The following PDE4B variants were observed in gnomAD, a reference collection of about 807,000 sequenced individuals.
PDE4B encodes 3',5'-cyclic-AMP phosphodiesterase 4B.
PDE4B carries 20 observed loss-of-function variants against 82.2 expected under a neutral mutation model. That is an observed-to-expected ratio of 0.24 (90% confidence interval 0.17 to 0.35). The LOEUF (loss-of-function observed/expected upper bound fraction) is 0.35. Among genes scored for constraint, PDE4B ranks in the 10% least tolerant of loss-of-function variants. The pLI is 1.00. For synonymous variants in PDE4B, 320 were observed against 318.9 expected (o/e 1.00, Z -0.04); for missense variants, 655 against 907.2 (o/e 0.72, Z 3.57).
At chr1:66,181,313 G>A (rs369497616) in intron 3 of PDE4B, among the ~76,000 whole-genome samples, 2 of 152,158 alleles carry the variant, frequency 1.3e-5, no homozygotes, top group East Asian at 1.9e-4. Flanking sequence ...AATATTACCC[G>A]ATTGGCAAGA....
At chr1:65,980,316 A>G (rs994996405) in intron 3 of PDE4B, among the ~76,000 whole-genome samples, 4 of 152,214 alleles carry the variant, frequency 2.6e-5, no homozygotes, top group African/African-American at 4.8e-5. Context: ...TTTATACATA[A>G]TGTACTGTAA....
At chr1:66,331,430 T>C (rs1441985251) in intron 7 of PDE4B, among the ~76,000 whole-genome samples, 1 of 152,238 alleles carries the variant, frequency 6.6e-6, no homozygotes, top group Non-Finnish European at 1.5e-5. Flanking sequence ...ATTTCAGTGC[T>C]TATTAAGATA....
chr1:66,230,727 C>T (rs1263262841), intron 3 of PDE4B, among the ~76,000 whole-genome samples: 8 of 152,086 alleles, frequency 5.3e-5, no homozygotes, highest in Admixed American at 6.5e-5. Flanking sequence ...AACAAATGAC[C>T]GGAAGCATCT....
chr1:66,028,314 G>A (rs1570023278), intron 3 of PDE4B, among the ~76,000 whole-genome samples: 1 of 152,116 alleles, frequency 6.6e-6, no homozygotes. Flanking sequence ...GAGTGGCTGG[G>A]ACACAGGGCA....
chr1:65,920,345 T>G (rs911645667), intron 3 of PDE4B, among the ~76,000 whole-genome samples: 8 of 152,250 alleles, frequency 5.3e-5, no homozygotes, highest in Admixed American at 2.6e-4. Context: ...AGGTGAAGAC[T>G]GGCACAGAGG....
At chr1:65,888,087 A>T (rs1348775701) in intron 1 of PDE4B, among the ~76,000 whole-genome samples, 1 of 152,074 alleles carries the variant, frequency 6.6e-6, no homozygotes, top group Non-Finnish European at 1.5e-5. Context: ...TTCAGGTCTT[A>T]TGTATAAGTC....
At chr1:66,236,947 A>T (rs11583551) in intron 3 of PDE4B, among the ~76,000 whole-genome samples, 26,626 of 152,052 alleles carry the variant, frequency 0.18, 4,468 homozygotes, top group African/African-American at 0.43. Flanking sequence ...GTCTATAAAA[A>T]CAAGTTCCTT....
intron 9 of PDE4B, among the ~76,000 whole-genome samples, chr1:66,361,066 T>G (rs1662722509): frequency 6.6e-6 from 1 of 152,212 alleles, no homozygotes; most frequent in African/African-American, 2.4e-5. Flanking sequence ...CCATTTATAT[T>G]TCTAACATAT....
At chr1:66,254,292 A>C (rs1654020611) in intron 4 of PDE4B, among the ~76,000 whole-genome samples, 1 of 152,052 alleles carries the variant, frequency 6.6e-6, no homozygotes, top group South Asian at 2.1e-4. Flanking sequence ...AACAAACCAC[A>C]AGATCTTCAC....
intron 3 of PDE4B, among the ~76,000 whole-genome samples, chr1:66,107,289 T>A (rs961924658): frequency 6.6e-6 from 1 of 152,140 alleles, no homozygotes; most frequent in Non-Finnish European, 1.5e-5. Context: ...CTGATTGCAC[T>A]GTGGTCTGAG....
intron 3 of PDE4B, among the ~76,000 whole-genome samples, chr1:66,028,168 G>A (rs958889780): frequency 6.6e-5 from 10 of 152,288 alleles, no homozygotes; most frequent in Middle Eastern, 3.4e-3. Flanking sequence ...AAATCTAGGC[G>A]GAGGTTCACA....
intron 3 of PDE4B, among the ~76,000 whole-genome samples, chr1:66,037,010 G>A (rs1219563994): frequency 6.6e-6 from 1 of 151,296 alleles, no homozygotes; most frequent in Non-Finnish European, 1.5e-5. Context: ...GGCGTGACCT[G>A]TAGTCCCAAC....
chr1:66,118,668 A>G (rs992662146), intron 3 of PDE4B, among the ~76,000 whole-genome samples: 22 of 152,184 alleles, frequency 1.4e-4, no homozygotes, highest in African/African-American at 5.1e-4. Flanking sequence ...ATACATATGT[A>G]ACAAACCTGC....
intron 7 of PDE4B, among the ~76,000 whole-genome samples, chr1:66,305,975 CT>C (rs1237802946): frequency 6.6e-6 from 1 of 152,068 alleles, no homozygotes; most frequent in East Asian, 1.9e-4. Flanking sequence ...ACCCAATAGA[CT>C]GCGTTTCTGA....
chr1:65,913,398 AAAG>A (rs1557428412), intron 2 of PDE4B, 42 bp downstream of exon 2: 3 of 1,593,966 alleles, frequency 1.9e-6, no homozygotes, highest in Middle Eastern at 1.7e-4. Context: ...TCTGTTCAAT[AAAG>A]AAGTCACTGG....
intron 3 of PDE4B, among the ~76,000 whole-genome samples, chr1:66,142,803 T>A (rs1646198864): frequency 6.6e-6 from 1 of 152,208 alleles, no homozygotes; most frequent in Non-Finnish European, 1.5e-5. Flanking sequence ...TTGGTAATTT[T>A]GTGTCTTACA....
At chr1:66,099,792 T>C (rs2101017168) in intron 3 of PDE4B, among the ~76,000 whole-genome samples, 1 of 152,274 alleles carries the variant, frequency 6.6e-6, no homozygotes, top group Admixed American at 6.5e-5. Context: ...GACAGAGATG[T>C]GGTCTTGTCA....
At chr1:66,019,308 T>G (rs1306023972) in intron 3 of PDE4B, among the ~76,000 whole-genome samples, 1 of 151,922 alleles carries the variant, frequency 6.6e-6, no homozygotes, top group Admixed American at 6.6e-5. Context: ...TGCAAATTGA[T>G]GGAATGTTCT....
intron 7 of PDE4B, chr1:66,267,516 A>C (rs1208894347): frequency 6.6e-6 from 1 of 152,252 alleles, no homozygotes; most frequent in African/African-American, 2.4e-5. Flanking sequence ...CATTAGGAGA[A>C]TATGTACAAT....
Sources: allele counts gnomAD v4.1 joint callset (sites outside exome capture counted in the v4.1 genomes callset), GRCh38; gene constraint gnomAD v4.1.1; transcripts MANE v1.5; gene names NCBI Gene and HGNC (gene_info 2026-07-23, HGNC 2026-07-21).